Variants in CDH9 observed in about 807,000 individuals in gnomAD.
The protein encoded by CDH9 is cadherin 9.
In CDH9, 28 loss-of-function variants were observed where a neutral mutation model predicts 70.9. The ratio of observed to expected loss-of-function variants is 0.40; its 90% confidence interval spans 0.29 to 0.54. The LOEUF (loss-of-function observed/expected upper bound fraction) is 0.54, where lower values mean the gene tolerates loss of function less well. CDH9 is among the 20% of genes least tolerant of loss of function. CDH9 has a pLI of 0.59. For missense variants in CDH9, 874 were observed against 984.4 expected, an observed-to-expected ratio of 0.89 and a Z score of 1.50; for synonymous variants, 409 against 343.1, an observed-to-expected ratio of 1.19 and a Z score of -2.12.
At chr5:26,938,764 C>G (rs1164383978) in intron 2 of CDH9, among the ~76,000 whole-genome samples, 4 of 151,946 alleles carry the variant, frequency 2.6e-5, no homozygotes. Flanking sequence ...CAATACTGCT[C>G]AGCAATTAAA....
intron 8 of CDH9, 40 bp from the exon 9 acceptor site, chr5:26,889,997 A>C (rs972958010): frequency 1.3e-6 from 2 of 1,597,470 alleles, no homozygotes; most frequent in Non-Finnish European, 1.7e-6. Context: ...TCTCATTTAC[A>C]CAGAAGCAGT....
intron 2 of CDH9, among the ~76,000 whole-genome samples, chr5:26,932,988 A>AC (rs1741489802): frequency 0.026 from 1 of 38 alleles, no homozygotes. Context: ...AATTATATAG[A>AC]TAAAATTTAG....
intron 1 of CDH9, among the ~76,000 whole-genome samples, chr5:27,012,727 C>A (rs1413181225): frequency 6.6e-6 from 1 of 152,030 alleles, no homozygotes; most frequent in African/African-American, 2.4e-5. Context: ...TGTACTCTAA[C>A]TTAACTTCAA....
intron 1 of CDH9, among the ~76,000 whole-genome samples, chr5:26,999,428 G>A (rs895003726): frequency 2.6e-5 from 4 of 151,932 alleles, no homozygotes; most frequent in African/African-American, 9.7e-5. Flanking sequence ...AAATTTAATG[G>A]CAAATGTTAC....
chr5:26,931,897 A>G (rs10064442), intron 2 of CDH9, among the ~76,000 whole-genome samples: 14,541 of 152,122 alleles, frequency 0.096, 872 homozygotes, highest in East Asian at 0.17. Flanking sequence ...GCACAGAAGA[A>G]TTTTTTAAAA....
rs373783866 is a variant in CDH9 at position 27,000,454 on chromosome 5, A to G, written c.-49-12072T>C. Among the ~76,000 whole-genome samples the G allele has an allele frequency of 2.0e-4, 30 of 152,214 alleles. No homozygotes were observed. The South Asian group carries it at 6.2e-3, about 32-fold the overall frequency. ...CTGCCACTTTGGAAAACTATTTGGAAGATTCTACACACCCATACACTCAAC... is the reference window on the plus strand; with the variant it reads ...CTGCCACTTTGGAAAACTATTTGGAGGATTCTACACACCCATACACTCAAC... On this transcript the variant is annotated intron_variant, in intron 1 of 11. Coordinates refer to ENST00000231021, the MANE Select transcript of CDH9 (RefSeq NM_016279.4).
intron 2 of CDH9, among the ~76,000 whole-genome samples, chr5:26,970,889 G>A (rs1158577631): frequency 1.3e-5 from 2 of 152,064 alleles, no homozygotes; most frequent in Non-Finnish European, 2.9e-5. Context: ...TAGTAAGAAT[G>A]GTCCTGGGAT....
chr5:26,882,124 C>T (rs1480678075), intron 11 of CDH9, among the ~76,000 whole-genome samples: 2 of 152,038 alleles, frequency 1.3e-5, no homozygotes, highest in South Asian at 4.1e-4. Context: ...TACACACATA[C>T]ATGAATATGT....
intron 2 of CDH9, among the ~76,000 whole-genome samples, chr5:26,978,591 T>TA (rs1742343600): frequency 2.0e-5 from 3 of 151,386 alleles, no homozygotes; most frequent in Non-Finnish European, 3.0e-5. Flanking sequence ...ACTTTTTTTT[T>TA]AAATGCTCAT....
intron 7 of CDH9, among the ~76,000 whole-genome samples, chr5:26,891,327 C>G (rs183478104): frequency 1.1e-3 from 174 of 152,312 alleles, no homozygotes; most frequent in Non-Finnish European, 2.0e-3. Flanking sequence ...AACACTGAAA[C>G]AGGGAATTAT....
At chr5:26,949,583 T>G (rs965408921) in intron 2 of CDH9, among the ~76,000 whole-genome samples, 3 of 152,192 alleles carry the variant, frequency 2.0e-5, no homozygotes, top group Admixed American at 2.0e-4. Flanking sequence ...GAAGAAACAT[T>G]GAACTCATGT....
chr5:26,881,435 C>T lies in CDH9; in HGVS notation c.2071G>A (p.Asp691Asn). The change falls in exon 12 of 12, where the codon GAT (aspartate) becomes AAT (asparagine). Residue 691 changes from aspartate to asparagine, a missense_variant. Coordinates refer to ENST00000231021, the MANE Select transcript of CDH9 (RefSeq NM_016279.4). ...TGAAAAATAGTTTCAGGCATTACAT[C>T]CCGTCTAAGTTTACTGTCTTCTCTT... is the stretch of plus-strand genomic sequence containing the variant. Reference protein sequence around the residue: ...EAREDSKLRRDVMPETIFQIR... With the variant: ...EAREDSKLRRNVMPETIFQIR... 1 of 1,613,214 alleles carries T rather than the reference C, an allele frequency of 6.2e-7. No individual in the cohort carries two copies. Among genetic ancestry groups the T allele is most frequent in the Non-Finnish European group, 8.5e-7 (1 of 1,179,424 alleles).
intron 1 of CDH9, among the ~76,000 whole-genome samples, chr5:27,030,526 T>TAA (rs529569068): frequency 3.0e-5 from 4 of 131,498 alleles, no homozygotes; most frequent in Non-Finnish European, 4.9e-5. Context: ...AAGCAGGGAT[T>TAA]AAAAAAAAAA....
intron 1 of CDH9, among the ~76,000 whole-genome samples, chr5:27,020,432 AC>A (rs1447176290): frequency 2.5e-4 from 38 of 151,734 alleles, no homozygotes; most frequent in Admixed American, 1.3e-3. Flanking sequence ...AAAATACTAT[AC>A]TTAATTACTG....
chr5:26,917,141 A>C (rs1186631934), intron 2 of CDH9, among the ~76,000 whole-genome samples: 3 of 152,016 alleles, frequency 2.0e-5, no homozygotes, highest in Non-Finnish European at 2.9e-5. Context: ...TGAAAACAGT[A>C]ATTGTTTTAT....
rs530391132 is a variant in CDH9, at chr5:27,025,224, C to A, written c.-50+13239G>T. 3.3e-5 allele frequency among the ~76,000 whole-genome samples: 5 copies of A among 152,080 alleles called. No individual in the cohort carries two copies. The South Asian group carries it at 8.3e-4, about 25-fold the overall frequency. On this transcript the variant is annotated intron_variant, in intron 1 of 11. Transcript: ENST00000231021. ...GTTTAATTCACACAAGCGGTATAGA[C>A]CTATCAATGTATTTTGAGTAACACG...
At chr5:26,905,399 A>G (rs759334448) in intron 5 of CDH9, among the ~76,000 whole-genome samples, 4 of 152,150 alleles carry the variant, frequency 2.6e-5, no homozygotes, top group Non-Finnish European at 5.9e-5. Context: ...ATAGTAAACC[A>G]TAACTCTATG....
intron 1 of CDH9, among the ~76,000 whole-genome samples, chr5:26,997,465 C>T (rs1026598162): frequency 1.3e-5 from 2 of 151,884 alleles, no homozygotes; most frequent in Non-Finnish European, 2.9e-5. Context: ...ACTAATGCAG[C>T]TTTAGAATAA....
rs751650642 is a variant in CDH9 at position 26,988,246 on chromosome 5, T to C, written c.88A>G (p.Ser30Gly). The change falls in exon 2 of 12, where the codon AGT (serine) becomes GGT (glycine). Residue 30 changes from serine to glycine, a missense_variant. Ser to Gly is a moderately conservative substitution (Grantham distance 56). Coordinates refer to ENST00000231021, the MANE Select transcript of CDH9 (RefSeq NM_016279.4). The part of the protein sequence containing the change: ...DTILLQEKPN[S>G]YLSSKKIAGL... ...GCTATCTTTTTGCTTGATAAATAACTGTTAGGTTTTTCTTGTAATAGGATG... is the reference window on the plus strand; with the variant it reads ...GCTATCTTTTTGCTTGATAAATAACCGTTAGGTTTTTCTTGTAATAGGATG... 1 of 1,613,344 alleles carries C rather than the reference T, an allele frequency of 6.2e-7. No individual in the cohort carries two copies. The highest frequency in any genetic ancestry group is 8.5e-7 in the Non-Finnish European group (1 of 1,179,564).
Sources: gnomAD v4.1 joint callset for allele counts (sites outside exome capture counted in the v4.1 genomes callset) on GRCh38, gnomAD v4.1.1 for gene constraint, MANE v1.5 for transcripts, NCBI Gene and HGNC (gene_info 2026-07-23, HGNC 2026-07-21) for gene names.